TGM6: variants seen among roughly 807,000 people sequenced by gnomAD.
TGM6 encodes the protein transglutaminase 6, also known as protein-glutamine gamma-glutamyltransferase 6.
A neutral mutation model predicts 77.5 loss-of-function variants in TGM6; 74 were observed. The ratio of observed to expected loss-of-function variants is 0.96; its 90% confidence interval spans 0.79 to 1.16. The LOEUF is 1.16. Ranked by LOEUF, TGM6 falls within the 50% of genes most tolerant of loss-of-function variation. TGM6 has a pLI of 0.00. For synonymous variants in TGM6, 383 were observed against 378.9 expected, an observed-to-expected ratio of 1.01 and a Z score of -0.12; for missense variants, 968 against 940.2, an observed-to-expected ratio of 1.03 and a Z score of -0.39.
chr20:2,397,446 G>A (rs1225392584), intron 4 of TGM6, among the ~76,000 whole-genome samples: 3 of 152,116 alleles, frequency 2.0e-5, no homozygotes, highest in Non-Finnish European at 2.9e-5. Context: ...AAGAGTTTAG[G>A]GTCCACCTAA....
At chr20:2,383,933 C>T (rs555814804) in intron 1 of TGM6, among the ~76,000 whole-genome samples, 23 of 152,004 alleles carry the variant, frequency 1.5e-4, no homozygotes, top group African/African-American at 5.1e-4. Flanking sequence ...CGGTGAAACC[C>T]CATCTCTACT....
intron 10 of TGM6, among the ~76,000 whole-genome samples, chr20:2,429,774 A>T (rs1434407811): frequency 1.3e-5 from 2 of 152,170 alleles, no homozygotes. Flanking sequence ...TCTCCAAAAA[A>T]AAAAAAAGAC....
intron 9 of TGM6, among the ~76,000 whole-genome samples, chr20:2,408,650 G>A (rs956240293): frequency 6.6e-6 from 1 of 152,196 alleles, no homozygotes; most frequent in African/African-American, 2.4e-5. Flanking sequence ...AGTCTGAGCT[G>A]TATCAAGAAG....
chr20:2,414,629 T>C (rs2084803259), intron 9 of TGM6, among the ~76,000 whole-genome samples: 1 of 152,092 alleles, frequency 6.6e-6, no homozygotes, highest in Non-Finnish European at 1.5e-5. Flanking sequence ...AGAAACACTA[T>C]TTAAAATAGA....
chr20:2,417,097 C>T (rs1321278793), intron 9 of TGM6, 135 bp from the exon 10 acceptor site: 2 of 766,818 alleles, frequency 2.6e-6, no homozygotes, highest in African/African-American at 1.8e-5. Flanking sequence ...ACTTTATTTA[C>T]ATAGAGAATC....
At chr20:2,400,485 C>T (rs996412002) in intron 7 of TGM6, 41 bp downstream of exon 7, 1 of 1,613,290 alleles carries the variant, frequency 6.2e-7, no homozygotes, top group Non-Finnish European at 8.5e-7. Context: ...GCTCTGGAAG[C>T]CCAGCAGGTG....
Position 2,394,501 on chromosome 20 carries a change from C to A in TGM6, c.57C>A (p.Ala19=). The part of the protein sequence containing the change: ...VDWQRSRNGA[A]HHTQEYPCPE... The stretch of plus-strand genomic sequence containing the variant: ...GGCAGCGGTCGAGGAATGGCGCTGC[C>A]CACCACACCCAGGAGTACCCCTGCC... Residue 19 remains alanine (A), a synonymous_variant, in exon 2 of 13, where the codon GCC becomes GCA. Transcript: ENST00000202625. 1 of 1,611,652 alleles carries A rather than the reference C, an allele frequency of 6.2e-7. No homozygotes were observed. The highest frequency in any genetic ancestry group is 8.5e-7 in the Non-Finnish European group (1 of 1,179,816).
In TGM6 at chr20:2,398,064, C is replaced by G; in HGVS notation, c.672+18C>G. On this transcript the variant is annotated intron_variant, in intron 5 of 12. Coordinates refer to ENST00000202625, the MANE Select transcript of TGM6 (RefSeq NM_198994.3). ...GTGCCATGGTGAGAAGCCCCTCCAT[C>G]CCTGCACATGTACTTCCTCAAGGAT... The G allele has an allele frequency of 6.2e-7, 1 of 1,614,200 alleles. No individual in the cohort carries two copies. Among genetic ancestry groups the G allele is most frequent in the Non-Finnish European group, 8.5e-7 (1 of 1,180,032 alleles).
rs1160179124 is a variant in TGM6 at position 2,403,407 on chromosome 20, G to A, written c.1000G>A (p.Val334Ile). 2 of 1,614,128 alleles carry A rather than the reference G, an allele frequency of 1.2e-6. No individual in the cohort carries two copies. The highest frequency in any genetic ancestry group is 2.2e-5 in the East Asian group (1 of 44,872). Residue 334 changes from valine to isoleucine, a missense_variant, in exon 8 of 13, where the codon GTC (valine) becomes ATC (isoleucine). By Grantham distance (29) the Val-to-Ile change is conservative. Coordinates refer to ENST00000202625, the MANE Select transcript of TGM6 (RefSeq NM_198994.3). ...CTCTCTCTGTGGCAGGAATTTCCAT[G>A]TCTGGAATGAGAGCTGGTTTGCCCG... The part of the protein sequence containing the change: ...LTEDSMWNFH[V>I]WNESWFARQD...
chr20:2,381,236 C>T (rs749576775), intron 1 of TGM6, among the ~76,000 whole-genome samples: 3 of 152,084 alleles, frequency 2.0e-5, no homozygotes, highest in African/African-American at 4.8e-5. Context: ...CCCTGTGCCT[C>T]GGAGGACTGA....
intron 12 of TGM6, among the ~76,000 whole-genome samples, chr20:2,431,877 T>C (rs2084926041): frequency 6.6e-6 from 1 of 152,106 alleles, no homozygotes; most frequent in Non-Finnish European, 1.5e-5. Context: ...GAGAACTTGA[T>C]TTGGGCCTTG....
At position 2,403,622 on chromosome 20, in the gene TGM6, G is replaced by A. The variant is rs148470870; in HGVS notation, c.1135G>A (p.Glu379Lys). Residue 379 changes from glutamate to lysine, a missense_variant, in exon 9 of 13, where the codon GAG becomes AAG. Coordinates refer to ENST00000202625, the MANE Select transcript of TGM6 (RefSeq NM_198994.3). ...CGPASVTAIREGDVHLAHDGP... is the reference protein window; with the variant it reads ...CGPASVTAIRKGDVHLAHDGP... ...CCCAGCCTCAGTCACCGCCATCCGC[G>A]AGGGTGATGTGCACCTGGCTCACGA... 4.2e-5 allele frequency: 68 copies of A among 1,614,160 alleles called. No individual in the cohort carries two copies. In the African/African-American group the frequency reaches 8.7e-4, roughly 21 times the overall value.
In TGM6 at chr20:2,394,385, G is replaced by A. The variant is rs150628733; in HGVS notation, c.8-67G>A. 1.3e-5 allele frequency: 21 copies of A among 1,562,646 alleles called. No homozygotes were observed. In the East Asian group the frequency reaches 4.0e-4, roughly 30 times the overall value. Reference sequence around the variant, plus strand: ...AATGACTGGCCGAGAATGAATGGGAGGACAAGCTCAGAGTGGGTGAGAAAC... The same window carrying A: ...AATGACTGGCCGAGAATGAATGGGAAGACAAGCTCAGAGTGGGTGAGAAAC... On this transcript the variant is annotated intron_variant, in intron 1 of 12. Transcript: ENST00000202625.
At chr20:2,381,012 G>A (rs371316246) in intron 1 of TGM6, 37 bp downstream of exon 1, 1 of 1,606,516 alleles carries the variant, frequency 6.2e-7, no homozygotes. Flanking sequence ...GGACACCAGG[G>A]CTCATGAGGG....
intron 1 of TGM6, among the ~76,000 whole-genome samples, chr20:2,387,934 G>A (rs984039967): frequency 1.3e-5 from 2 of 152,164 alleles, no homozygotes; most frequent in African/African-American, 4.8e-5. Flanking sequence ...GGAAGCCTTG[G>A]TTCGTCTCCA....
chr20:2,409,259 C>G (rs2084770245), intron 9 of TGM6, among the ~76,000 whole-genome samples: 1 of 151,970 alleles, frequency 6.6e-6, no homozygotes, highest in Non-Finnish European at 1.5e-5. Context: ...GATCACAAGT[C>G]AAATTAGAAA....
At chr20:2,402,102 C>A (rs565844981) in intron 7 of TGM6, among the ~76,000 whole-genome samples, 29 of 152,008 alleles carry the variant, frequency 1.9e-4, no homozygotes, top group African/African-American at 6.3e-4. Context: ...AAAAATTAGC[C>A]GGGTGTGGTG....
chr20:2,426,802 A>T (rs954935850), intron 10 of TGM6, among the ~76,000 whole-genome samples: 2 of 152,120 alleles, frequency 1.3e-5, no homozygotes, highest in Non-Finnish European at 2.9e-5. Context: ...GATTTGATGG[A>T]CTATATTAAT....
intron 5 of TGM6, 87 bp downstream of exon 5, chr20:2,398,133 A>G: frequency 1.9e-6 from 3 of 1,606,046 alleles, no homozygotes; most frequent in Non-Finnish European, 2.6e-6. Flanking sequence ...TCTTCCCATC[A>G]CCCCTTGTTT....
Sources: gnomAD v4.1 joint callset for allele counts (sites outside exome capture counted in the v4.1 genomes callset) on GRCh38, gnomAD v4.1.1 for gene constraint, MANE v1.5 for transcripts, NCBI Gene and HGNC (gene_info 2026-07-23, HGNC 2026-07-21) for gene names.